Variants in HEATR6 observed in about 807,000 individuals in gnomAD.
HEATR6 encodes HEAT repeat-containing protein 6.
A neutral mutation model predicts 132.8 loss-of-function variants in HEATR6; 106 were observed. The ratio of observed to expected loss-of-function variants is 0.80; its 90% confidence interval spans 0.68 to 0.94. The LOEUF (loss-of-function observed/expected upper bound fraction) is 0.94, where lower values mean the gene tolerates loss of function less well. Ranked by LOEUF, HEATR6 falls within the 40% of genes least tolerant of loss-of-function variation. The pLI is 0.00. For synonymous variants in HEATR6, 529 were observed against 537.8 expected, an observed-to-expected ratio of 0.98 and a Z score of 0.23; for missense variants, 1,339 against 1,425.1, an observed-to-expected ratio of 0.94 and a Z score of 0.97.
At chr17:60,075,704 C>T (rs967249318) in intron 2 of HEATR6, 2 of 151,868 alleles carry the variant, frequency 1.3e-5, no homozygotes, top group African/African-American at 4.8e-5. Flanking sequence ...ATTAGCCGGA[C>T]GTGGTGGCGG....
At chr17:60,076,405 T>C in intron 1 of HEATR6, 168 bp from the exon 2 acceptor site, 2 of 567,750 alleles carry the variant, frequency 3.5e-6, no homozygotes, top group South Asian at 4.3e-5. Context: ...CAGCATGTGC[T>C]AAAAAAGAAG....
intron 19 of HEATR6, among the ~76,000 whole-genome samples, chr17:60,045,168 A>G (rs1183897011): frequency 6.6e-6 from 1 of 152,178 alleles, no homozygotes; most frequent in Non-Finnish European, 1.5e-5. Context: ...AACCACCTCA[A>G]TGGGCTCCAA....
chr17:60,072,359 C>T, intron 4 of HEATR6, 30 bp from the exon 5 acceptor site: 1 of 1,243,722 alleles, frequency 8.0e-7, no homozygotes, highest in Non-Finnish European at 1.2e-6. Flanking sequence ...ACAACTCAAA[C>T]TCAGTCTCCT....
intron 14 of HEATR6, among the ~76,000 whole-genome samples, chr17:60,051,553 G>T (rs1457931641): frequency 6.6e-6 from 1 of 152,192 alleles, no homozygotes; most frequent in Non-Finnish European, 1.5e-5. Context: ...CTAGTGCAGG[G>T]CCTGGTACAC....
Position 60,055,587 on chromosome 17 carries a change from C to T in HEATR6, c.2217G>A (p.Leu739=), listed in dbSNP as rs772173406. The change falls in exon 14 of 20, where the codon CTG becomes CTA. Residue 739 remains leucine (L), a synonymous_variant. Coordinates refer to ENST00000184956, the MANE Select transcript of HEATR6 (RefSeq NM_022070.5). The part of the protein sequence containing the change: ...QLHGAKLLEE[L]GTGLIQQYKP... ...TATACTGCTGTATTAAGCCTGTGCC[C>T]AGTTCTTCCAGAAGCTGCCAAGAAA... 1.2e-6 allele frequency: 2 copies of T among 1,610,374 alleles called. No individual in the cohort carries two copies. Among genetic ancestry groups the T allele is most frequent in the Non-Finnish European group, 1.7e-6 (2 of 1,178,224 alleles).
At chr17:60,069,959 C>T (rs1157896087) in intron 6 of HEATR6, 111 bp from the exon 7 acceptor site, 2 of 1,274,166 alleles carry the variant, frequency 1.6e-6, no homozygotes, top group Non-Finnish European at 2.2e-6. Context: ...TCACAACACT[C>T]ATAGATAATG....
intron 9 of HEATR6, chr17:60,064,403 A>C (rs1415701475): frequency 6.6e-6 from 1 of 152,566 alleles, no homozygotes; most frequent in Non-Finnish European, 1.5e-5. Context: ...AGTTAATCAC[A>C]CTATGGACAG....
At chr17:60,053,277 G>A (rs1045577547) in intron 14 of HEATR6, among the ~76,000 whole-genome samples, 13 of 152,152 alleles carry the variant, frequency 8.5e-5, no homozygotes, top group South Asian at 2.1e-4. Flanking sequence ...GGAAGCTTCC[G>A]GAGGTCTCAC....
intron 9 of HEATR6, among the ~76,000 whole-genome samples, chr17:60,065,418 G>C (rs1231368590): frequency 6.6e-6 from 1 of 152,154 alleles, no homozygotes; most frequent in Non-Finnish European, 1.5e-5. Context: ...ATATGCTGTT[G>C]GCCTAATTAA....
In HEATR6 at chr17:60,073,244, T is replaced by G. The variant is rs979732463; in HGVS notation, c.504A>C (p.Leu168Phe). 1 of 1,613,604 alleles carries G rather than the reference T, an allele frequency of 6.2e-7. No individual in the cohort carries two copies. The highest frequency in any genetic ancestry group is 1.3e-5 in the African/African-American group (1 of 75,016). ...LPELLGNTGL[L>F]MKLSDLAQSD... ...ACTGAGCCAAGTCACTCAACTTCAT[T>G]AAGAGTCCGGTGTTGCCTAGCAGCT... The change falls in exon 4 of 20, where the codon TTA (leucine) becomes TTC (phenylalanine). Residue 168 changes from leucine (L) to phenylalanine (F), a missense_variant. By Grantham distance (22) the Leu-to-Phe change is conservative. Transcript: ENST00000184956.
chr17:60,069,955 C>G (rs535555227), intron 6 of HEATR6, 107 bp from the exon 7 acceptor site: 2 of 1,318,366 alleles, frequency 1.5e-6, no homozygotes, highest in Non-Finnish European at 2.1e-6. Context: ...TGGATCACAA[C>G]ACTCATAGAT....
rs554049312 is a variant in HEATR6 at position 60,050,112 on chromosome 17, G to A, written c.2425-410C>T. On this transcript the variant is annotated intron_variant, in intron 15 of 19. Coordinates refer to ENST00000184956, the MANE Select transcript of HEATR6 (RefSeq NM_022070.5). Reference sequence around the variant, plus strand: ...ACTCCCAGGATGATGGTATCAGGAGGTGGGGCTTTGGGAAGGAGATGAGGT... The same window carrying A: ...ACTCCCAGGATGATGGTATCAGGAGATGGGGCTTTGGGAAGGAGATGAGGT... Among the ~76,000 whole-genome samples the A allele has an allele frequency of 3.3e-4, 50 of 152,276 alleles. No individual in the cohort carries two copies. The South Asian group carries it at 1.0e-2, about 30-fold the overall frequency.
In HEATR6 at chr17:60,046,181, G is replaced by A; in HGVS notation, c.2818C>T (p.Gln940Ter). The change falls in exon 19 of 20, where the codon CAA becomes TAA. Residue 940 changes from glutamine to a stop codon, truncating the protein, a stop_gained. Coordinates refer to ENST00000184956, the MANE Select transcript of HEATR6 (RefSeq NM_022070.5). LOFTEE classifies it high-confidence loss of function. Reference sequence around the variant, plus strand: ...GTGGGTTTTTCTATATGAGAGGGTTGCAGAAAATGAAGCAAATTTCCAAGG... The same window carrying A: ...GTGGGTTTTTCTATATGAGAGGGTTACAGAAAATGAAGCAAATTTCCAAGG... ...RALGNLLHFL[Q>*]PSHIEKPTFA... is the part of the protein sequence containing the mutation. 1.2e-6 allele frequency: 2 copies of A among 1,613,812 alleles called. No individual in the cohort carries two copies. Among genetic ancestry groups the A allele is most frequent in the Non-Finnish European group, 1.7e-6 (2 of 1,179,850 alleles).
Position 60,056,110 on chromosome 17 carries a change from A to C in HEATR6, c.2202+5T>G. On this transcript the variant is annotated splice_donor_5th_base_variant and intron_variant, in intron 13 of 19. Coordinates refer to ENST00000184956, the MANE Select transcript of HEATR6 (RefSeq NM_022070.5). ...AAAAAGCATTGTGGTTTTGATGAAA[A>C]TTACCTTTGCTCCATGAAGCTGAAT... 1 of 1,613,076 alleles carries C rather than the reference A, an allele frequency of 6.2e-7. No homozygotes were observed. Among genetic ancestry groups the C allele is most frequent in the Non-Finnish European group, 8.5e-7 (1 of 1,179,642 alleles).
intron 17 of HEATR6, 35 bp downstream of exon 17, chr17:60,048,229 G>T: frequency 6.3e-7 from 1 of 1,598,878 alleles, no homozygotes; most frequent in Middle Eastern, 1.7e-4. Flanking sequence ...CTCAATCTCA[G>T]AAGTCAGCTG....
At chr17:60,070,458 C>G (rs1597956185) in intron 6 of HEATR6, among the ~76,000 whole-genome samples, 1 of 152,154 alleles carries the variant, frequency 6.6e-6, no homozygotes, top group African/African-American at 2.4e-5. Flanking sequence ...ATAGGTCATA[C>G]TCCCCTACCG....
In HEATR6 at chr17:60,057,092, C is replaced by T. The variant is rs1347883830; in HGVS notation, c.2035G>A (p.Gly679Arg). 2 of 1,613,328 alleles carry T rather than the reference C, an allele frequency of 1.2e-6. No individual in the cohort carries two copies. Among genetic ancestry groups the T allele is most frequent in the South Asian group, 1.1e-5 (1 of 90,988 alleles). The change falls in exon 12 of 20, where the codon GGA (glycine) becomes AGA (arginine). Residue 679 changes from glycine (G) to arginine (R), a missense_variant. Transcript: ENST00000184956. ...ATGGGGGATGGTTCGTAGGTGCTTC[C>T]TGCTGCAGAGCCAGCATCGCTACCT... is the stretch of plus-strand genomic sequence containing the variant. ...CSGSDAGSAA[G>R]STYEPSPMRL...
At chr17:60,073,010 A>G (rs2083277497) in intron 4 of HEATR6, among the ~76,000 whole-genome samples, 154 bp downstream of exon 4, 1 of 152,198 alleles carries the variant, frequency 6.6e-6, no homozygotes, top group Non-Finnish European at 1.5e-5. Flanking sequence ...TTAACAAACA[A>G]CATAAGATGA....
At chr17:60,048,794 AGAGT>A (rs1320505632) in intron 16 of HEATR6, among the ~76,000 whole-genome samples, 1 of 151,994 alleles carries the variant, frequency 6.6e-6, no homozygotes. Context: ...GTCACAAGTA[AGAGT>A]GAAAGAGGAC....
Sources: gnomAD v4.1 joint callset for allele counts (sites outside exome capture counted in the v4.1 genomes callset) on GRCh38, gnomAD v4.1.1 for gene constraint, MANE v1.5 for transcripts, NCBI Gene and HGNC (gene_info 2026-07-23, HGNC 2026-07-21) for gene names.